MCTP2: variants seen among roughly 807,000 people sequenced by gnomAD.
MCTP2 encodes multiple C2 and transmembrane domain-containing protein 2.
A neutral mutation model predicts 111.6 loss-of-function variants in MCTP2; 132 were observed. The observed-to-expected ratio is 1.18, with a 90% CI of 1.03 to 1.37. The LOEUF is 1.37. MCTP2 is among the 40% of genes most tolerant of loss of function. The pLI, the probability that MCTP2 is intolerant of heterozygous loss-of-function variation, is 0.00. For synonymous variants in MCTP2, 395 were observed against 387.7 expected (o/e 1.02, Z -0.22); for missense variants, 1,183 against 1,067.9 (o/e 1.11, Z -1.50).
rs750693244 is a variant in MCTP2 at position 94,479,032 on chromosome 15, T to G, written c.2635T>G (p.Ter879GluextTer16). The G allele has an allele frequency of 3.1e-6, 5 of 1,614,014 alleles. No individual in the cohort carries two copies. The East Asian group carries it at 1.1e-4, about 36-fold the overall frequency. Residue 879 changes from the stop codon to glutamate (E), a stop_lost, in exon 23 of 23, where the codon TAG becomes GAG. Coordinates refer to ENST00000357742, the MANE Select transcript of MCTP2 (RefSeq NM_001385001.1). ...SPLRKKRSAL[*>E] ...CCTGCGGAAGAAGCGCAGCGCTCTC[T>G]AGGGCACACACCGACTTTGGACAGC...
intron 1 of MCTP2, among the ~76,000 whole-genome samples, chr15:94,276,598 C>A (rs1171747924): frequency 6.8e-6 from 1 of 147,204 alleles, no homozygotes; most frequent in African/African-American, 2.6e-5. Context: ...CTAGTATGGA[C>A]AAATAATAAT....
intron 4 of MCTP2, among the ~76,000 whole-genome samples, chr15:94,317,173 T>C (rs989176188): frequency 1.3e-5 from 2 of 152,228 alleles, no homozygotes; most frequent in African/African-American, 4.8e-5. Flanking sequence ...GCTGCTCTAT[T>C]TCTTGGATAT....
intron 4 of MCTP2, among the ~76,000 whole-genome samples, chr15:94,337,500 T>A (rs760416692): frequency 1.3e-4 from 19 of 151,456 alleles, no homozygotes; most frequent in Admixed American, 9.2e-4. Flanking sequence ...CCCCACTTTT[T>A]TATATATATA....
Position 94,298,689 on chromosome 15 carries a change from C to G in MCTP2, c.424C>G (p.Gln142Glu). 1.2e-6 allele frequency: 2 copies of G among 1,612,716 alleles called. No individual in the cohort carries two copies. The highest frequency in any genetic ancestry group is 1.7e-6 in the Non-Finnish European group (2 of 1,179,610). ...RVSSNGIFDL[Q>E]KTSLGGDAPE... ...GTCCAGCAACGGCATCTTTGATCTT[C>G]AGAAAACTTCCCTTGGAGGGGATGC... The change falls in exon 2 of 23, where the codon CAG (glutamine) becomes GAG (glutamate). Residue 142 changes from glutamine (Q) to glutamate (E), a missense_variant. Coordinates refer to ENST00000357742, the MANE Select transcript of MCTP2 (RefSeq NM_001385001.1).
chr15:94,257,645 G>A lies in MCTP2; in HGVS notation c.-66+25981G>A, dbSNP rs533542293. 2.2e-4 allele frequency among the ~76,000 whole-genome samples: 27 copies of A among 122,664 alleles called. No homozygotes were observed. The East Asian group carries it at 4.0e-3, about 18-fold the overall frequency. 80.5% of individuals were successfully genotyped at this position (122,664 alleles called of 152,430 possible). A position where few individuals can be genotyped will look rare whatever the true frequency, so the allele number is the denominator to read the frequency against. Reference sequence around the variant, plus strand: ...TCTGTCACCCAGGCTGGAGTGCAGCGGCATGATCTCGGCCCAATGCAGTCT... The same window carrying A: ...TCTGTCACCCAGGCTGGAGTGCAGCAGCATGATCTCGGCCCAATGCAGTCT... On this transcript the variant is annotated intron_variant, in intron 1 of 22. Transcript: ENST00000357742.
rs1414104623 is a variant in MCTP2 at position 94,483,397 on chromosome 15, T to G, written c.*4363T>G. The G allele has an allele frequency of 6.6e-6, 1 of 152,158 alleles. No individual in the cohort carries two copies. The highest frequency in any genetic ancestry group is 1.5e-5 in the Non-Finnish European group (1 of 68,034). 9.4% of individuals were successfully genotyped at this position (152,158 alleles called of 1,614,324 possible). A position where few individuals can be genotyped will look rare whatever the true frequency, so the allele number is the denominator to read the frequency against. On this transcript the variant is annotated 3_prime_UTR_variant, in exon 23 of 23. Coordinates refer to ENST00000357742, the MANE Select transcript of MCTP2 (RefSeq NM_001385001.1). ...TAAATTGTTCTACTATAAAAACACA[T>G]GCACACACATGTTCACTGCAACACT...
intron 1 of MCTP2, among the ~76,000 whole-genome samples, chr15:94,245,000 G>A (rs1452996372): frequency 1.4e-5 from 2 of 144,320 alleles, no homozygotes; most frequent in African/African-American, 5.1e-5. Context: ...GTTTATATAC[G>A]TATATGTATA....
intron 1 of MCTP2, among the ~76,000 whole-genome samples, chr15:94,294,935 CTTTT>C (rs2075192106): frequency 8.8e-6 from 1 of 113,302 alleles, no homozygotes; most frequent in African/African-American, 3.3e-5. Flanking sequence ...TTTTTCTTTT[CTTTT>C]CCTTTTTTTT....
chr15:94,339,873 C>T (rs1036235304), intron 5 of MCTP2, among the ~76,000 whole-genome samples: 2 of 152,140 alleles, frequency 1.3e-5, no homozygotes, highest in Non-Finnish European at 2.9e-5. Flanking sequence ...CAGATCTGCT[C>T]ACTGTGGAAA....
chr15:94,361,496 G>A (rs1037525957), intron 10 of MCTP2, among the ~76,000 whole-genome samples: 1 of 152,118 alleles, frequency 6.6e-6, no homozygotes, highest in Non-Finnish European at 1.5e-5. Flanking sequence ...GGGCTCACTC[G>A]CCAACTGGCA....
At chr15:94,310,951 C>CA in intron 2 of MCTP2, among the ~76,000 whole-genome samples, 1 of 149,250 alleles carries the variant, frequency 6.7e-6, no homozygotes, top group Non-Finnish European at 1.5e-5. Flanking sequence ...CAAAAACAAA[C>CA]AAACAAACAT....
rs1413067868 is a variant in MCTP2, at chr15:94,483,259, G to A, written c.*4225G>A. 2 of 152,200 alleles carry A rather than the reference G, an allele frequency of 1.3e-5. No individual in the cohort carries two copies. The highest frequency in any genetic ancestry group is 2.9e-5 in the Non-Finnish European group (2 of 68,036). The allele number at this position is 152,200 out of a possible 1,614,324, so 9.4% of individuals were successfully genotyped here. On this transcript the variant is annotated 3_prime_UTR_variant, in exon 23 of 23. Coordinates refer to ENST00000357742, the MANE Select transcript of MCTP2 (RefSeq NM_001385001.1). The stretch of plus-strand genomic sequence containing the variant: ...GCACTTATACATTGTTGGTTGGAGT[G>A]TAAATTAGTTCAACCGCTGTGGAAG...
At chr15:94,454,964 G>C (rs533033542) in intron 19 of MCTP2, among the ~76,000 whole-genome samples, 46 of 152,258 alleles carry the variant, frequency 3.0e-4, no homozygotes, top group African/African-American at 1.0e-3. Context: ...GGGATTACAG[G>C]CATGTGCCAC....
At chr15:94,475,848 C>T (rs574346455) in intron 21 of MCTP2, among the ~76,000 whole-genome samples, 27 of 152,276 alleles carry the variant, frequency 1.8e-4, no homozygotes, top group East Asian at 3.9e-4. Context: ...TGGATATGCA[C>T]GGGAACCCAA....
chr15:94,268,747 A>G (rs2073742193), intron 1 of MCTP2, among the ~76,000 whole-genome samples: 1 of 149,800 alleles, frequency 6.7e-6, no homozygotes, highest in South Asian at 2.1e-4. Flanking sequence ...TATAAGAACT[A>G]GTAGATACTC....
intron 10 of MCTP2, among the ~76,000 whole-genome samples, chr15:94,364,410 C>T (rs987731654): frequency 1.3e-5 from 2 of 152,096 alleles, no homozygotes; most frequent in Non-Finnish European, 2.9e-5. Flanking sequence ...TTTTACTGGT[C>T]TTCAGCAGTG....
At chr15:94,299,781 T>G (rs1337275532) in intron 2 of MCTP2, among the ~76,000 whole-genome samples, 1 of 152,224 alleles carries the variant, frequency 6.6e-6, no homozygotes, top group Non-Finnish European at 1.5e-5. Context: ...GTTTCACTTT[T>G]AGAAACAAAA....
chr15:94,374,155 G>A (rs1306305849), intron 12 of MCTP2, among the ~76,000 whole-genome samples: 2 of 152,132 alleles, frequency 1.3e-5, no homozygotes, highest in African/African-American at 2.4e-5. Context: ...CTGCCCAGGG[G>A]CACATCTGAT....
chr15:94,372,302 A>G (rs2079531772), intron 12 of MCTP2, among the ~76,000 whole-genome samples: 1 of 152,196 alleles, frequency 6.6e-6, no homozygotes, highest in African/African-American at 2.4e-5. Flanking sequence ...TTAGACCATA[A>G]TGGTCTTCGT....
Sources: allele counts gnomAD v4.1 joint callset (sites outside exome capture counted in the v4.1 genomes callset), GRCh38; gene constraint gnomAD v4.1.1; transcripts MANE v1.5; gene names NCBI Gene and HGNC (gene_info 2026-07-23, HGNC 2026-07-21).